Variants in ANO7 observed in about 807,000 individuals in gnomAD.
ANO7 encodes the protein anoctamin 7, also known as anoctamin-7.
Under a neutral mutation model 115.8 loss-of-function variants are expected in ANO7, and 114 were observed. The ratio of observed to expected loss-of-function variants is 0.98; its 90% CI spans 0.85 to 1.15. The LOEUF (loss-of-function observed/expected upper bound fraction) is 1.15, where lower values mean the gene tolerates loss of function less well. Ranked by LOEUF, ANO7 falls within the 50% of genes most tolerant of loss-of-function variation. The pLI is 0.00. For synonymous variants in ANO7, 550 were observed against 498.2 expected (o/e 1.10, Z -1.38); for missense variants, 1,302 against 1,201.2 (o/e 1.08, Z -1.24).
At chr2:241,192,590 T>C (rs1299324215) in intron 3 of ANO7, among the ~76,000 whole-genome samples, 2 of 152,142 alleles carry the variant, frequency 1.3e-5, no homozygotes, top group African/African-American at 4.8e-5. Flanking sequence ...AAATACAGTT[T>C]CATTCTGAGG....
chr2:241,207,560 T>C lies in ANO7; in HGVS notation c.981-14T>C, dbSNP rs753087238. The C allele has an allele frequency of 5.0e-6, 8 of 1,611,872 alleles. No individual in the cohort carries two copies. The African/African-American group carries it at 8.0e-5, about 16-fold the overall frequency. The stretch of plus-strand genomic sequence containing the variant: ...CCCCCATTAGCTCCCACCCCTCCGC[T>C]CCATGCCTTGCAGGCAGGAACTGTG... On this transcript the variant is annotated splice_polypyrimidine_tract_variant and intron_variant, in intron 10 of 24. Transcript: ENST00000674324.
chr2:241,228,807 CG>C (rs903738081), downstream of ANO7: 2 of 152,838 alleles, frequency 1.3e-5, no homozygotes, highest in African/African-American at 4.8e-5. Flanking sequence ...TGAGGACAAG[CG>C]TAAGGCCCTA....
intron 6 of ANO7, 137 bp from the exon 7 acceptor site, chr2:241,201,161 G>T (rs2068459900): frequency 3.1e-6 from 3 of 967,244 alleles, no homozygotes; most frequent in Non-Finnish European, 2.9e-6. Flanking sequence ...GCAGGCCTGT[G>T]CTTCTGCGTG....
the ANO7 span, chr2:241,235,588 C>A: frequency 6.2e-7 from 1 of 1,612,268 alleles, no homozygotes; most frequent in African/African-American, 1.3e-5. Flanking sequence ...GTGACAGGAA[C>A]CAATGCCTGC....
intron 3 of ANO7, among the ~76,000 whole-genome samples, chr2:241,195,106 C>T (rs1371979688): frequency 1.3e-5 from 2 of 152,188 alleles, no homozygotes; most frequent in East Asian, 3.8e-4. Flanking sequence ...TTCCCAAGCT[C>T]CAGCCCCCTT....
chr2:241,224,993 T>C lies in ANO7; in HGVS notation c.*840T>C, dbSNP rs999710208. On this transcript the variant is annotated 3_prime_UTR_variant, in exon 25 of 25. Transcript: ENST00000674324. ...TGAGAGGAGGAAACGTGTATACCTG[T>C]AACATCTGGTGGCTCTTCCCCCAGA... is the stretch of plus-strand genomic sequence containing the variant. 1.3e-5 allele frequency: 2 copies of C among 152,272 alleles called. No individual in the cohort carries two copies. Among genetic ancestry groups the C allele is most frequent in the Admixed American group, 6.5e-5 (1 of 15,286 alleles). 9.4% of individuals were successfully genotyped at this position (152,272 alleles called of 1,614,324 possible). A position where few individuals can be genotyped will look rare whatever the true frequency, so the allele number is the denominator to read the frequency against.
In ANO7 at chr2:241,219,575, C is replaced by CT. The variant is rs199964396; in HGVS notation, c.2321+1203dup. ...TTTAGCATACATTCTTTTCTTTTTT[C>CT]TTTTTTTTTAGAGACTGGGTCTTGC... On this transcript the variant is annotated intron_variant, in intron 21 of 24. Coordinates refer to ENST00000674324, the MANE Select transcript of ANO7 (RefSeq NM_001370694.2). 6.7e-3 allele frequency among the ~76,000 whole-genome samples: 1,008 copies of CT among 149,370 alleles called. 11 individuals carry two copies. Among genetic ancestry groups the CT allele is most frequent in the African/African-American group, 0.023 (937 of 40,792 alleles).
rs1188089527 is a variant in ANO7, at chr2:241,210,453, C to T, written c.1459-15C>T. ...GCGGCCCCTCATCCGGCTCTGACGG[C>T]CTGTCTCCCGTTAGGCCTCTCGCAT... On this transcript the variant is annotated splice_polypyrimidine_tract_variant and intron_variant, in intron 14 of 24. Coordinates refer to ENST00000674324, the MANE Select transcript of ANO7 (RefSeq NM_001370694.2). 2.5e-6 allele frequency: 4 copies of T among 1,613,936 alleles called. No homozygotes were observed. The highest frequency in any genetic ancestry group is 2.2e-5 in the South Asian group (2 of 91,090).
At chr2:241,229,531 G>T, downstream of ANO7, 1 of 1,179,122 alleles carries the variant, frequency 8.5e-7, no homozygotes, top group Non-Finnish European at 1.3e-6. Context: ...CGCTGGGTCA[G>T]ATTGAGACAA....
intron 11 of ANO7, 146 bp downstream of exon 11, chr2:241,207,816 C>A: frequency 1.4e-6 from 1 of 715,384 alleles, no homozygotes; most frequent in South Asian, 1.7e-5. Flanking sequence ...AGCTCCTTAA[C>A]CTTTGTTCTC....
chr2:241,211,644 G>A (rs1196543947), intron 15 of ANO7, among the ~76,000 whole-genome samples: 1 of 152,178 alleles, frequency 6.6e-6, no homozygotes, highest in Non-Finnish European at 1.5e-5. Flanking sequence ...GGTTCTGGAT[G>A]GCCAAGGGTA....
chr2:241,197,075 G>A (rs955429958), intron 4 of ANO7, among the ~76,000 whole-genome samples: 1 of 152,184 alleles, frequency 6.6e-6, no homozygotes, highest in African/African-American at 2.4e-5. Flanking sequence ...GGATATAGTG[G>A]TGGCTCACCG....
chr2:241,235,094 G>A, the ANO7 span: 1 of 1,608,520 alleles, frequency 6.2e-7, no homozygotes, highest in Non-Finnish European at 8.5e-7. Flanking sequence ...ATGGCTCTGG[G>A]CAGTGCCCCG....
chr2:241,236,609 A>C, the ANO7 span: 4 of 1,613,586 alleles, frequency 2.5e-6, no homozygotes, highest in African/African-American at 5.3e-5. Flanking sequence ...GCACATGGAC[A>C]CATACCTCCA....
At chr2:241,192,347 G>A (rs959249625) in intron 3 of ANO7, among the ~76,000 whole-genome samples, 8 of 152,232 alleles carry the variant, frequency 5.3e-5, no homozygotes, top group East Asian at 3.9e-4. Context: ...AAAGTACCAC[G>A]GCCTGCGGGG....
At chr2:241,235,536 A>G in the ANO7 span, 1 of 1,614,140 alleles carries the variant, frequency 6.2e-7, no homozygotes, top group Non-Finnish European at 8.5e-7. Context: ...TTTCTGCCCA[A>G]TAACGTAACG....
intron 3 of ANO7, among the ~76,000 whole-genome samples, 171 bp downstream of exon 3, chr2:241,191,422 G>A (rs2068200748): frequency 6.6e-6 from 1 of 152,098 alleles, no homozygotes; most frequent in African/African-American, 2.4e-5. Flanking sequence ...GCAAACCACA[G>A]TGGGAAGAAC....
In ANO7 at chr2:241,197,959, C is replaced by T. The variant is rs529088932; in HGVS notation, c.310-1357C>T. On this transcript the variant is annotated intron_variant, in intron 4 of 24. Coordinates refer to ENST00000674324, the MANE Select transcript of ANO7 (RefSeq NM_001370694.2). Reference sequence around the variant, plus strand: ...AGCCACCACGCCCGGCCTCACCTCCCTCTTCCTTATTAAGGCTTAGGAGCT... The same window carrying T: ...AGCCACCACGCCCGGCCTCACCTCCTTCTTCCTTATTAAGGCTTAGGAGCT... Among the ~76,000 whole-genome samples the T allele has an allele frequency of 2.0e-4, 30 of 152,308 alleles. No individual in the cohort carries two copies. The South Asian group carries it at 6.0e-3, about 30-fold the overall frequency.
rs2068924958 is a variant in ANO7, at chr2:241,218,466, G to A, written c.2321+85G>A. 3 of 1,194,272 alleles carry A rather than the reference G, an allele frequency of 2.5e-6. No individual in the cohort carries two copies. The South Asian group carries it at 1.0e-4, about 41-fold the overall frequency. The allele number at this position is 1,194,272 out of a possible 1,614,324, so 74.0% of individuals were successfully genotyped here. On this transcript the variant is annotated intron_variant, in intron 21 of 24. Coordinates refer to ENST00000674324, the MANE Select transcript of ANO7 (RefSeq NM_001370694.2). ...TCGGGTGGGGTGGGGGTGCGGCGGTGGGGAGCCGGGAGGGGCGGGCGCCGC... is the reference window on the plus strand; with the variant it reads ...TCGGGTGGGGTGGGGGTGCGGCGGTAGGGAGCCGGGAGGGGCGGGCGCCGC...
Sources: gnomAD v4.1 joint callset for allele counts (sites outside exome capture counted in the v4.1 genomes callset) on GRCh38, gnomAD v4.1.1 for gene constraint, MANE v1.5 for transcripts, NCBI Gene and HGNC (gene_info 2026-07-23, HGNC 2026-07-21) for gene names.